The following TMEM17 variants were observed in gnomAD, a reference collection of about 807,000 sequenced individuals.
TMEM17 encodes the protein transmembrane protein 17.
In TMEM17, 15 loss-of-function variants were observed where a neutral mutation model predicts 19.1. The ratio of observed to expected loss-of-function variants is 0.78; its 90% confidence interval spans 0.52 to 1.21. TMEM17 has a LOEUF of 1.21. Among genes scored for constraint, TMEM17 ranks in the 50% most tolerant of loss-of-function variants. The probability of loss-of-function intolerance (pLI) is 0.00; values close to 1 mark genes in which losing one functional copy is unlikely to be tolerated. For missense variants in TMEM17, 245 were observed against 242.3 expected (o/e 1.01, Z -0.07); for synonymous variants, 103 against 86.9 (o/e 1.19, Z -1.03).
the TMEM17 span, among the ~76,000 whole-genome samples, chr2:62,456,788 C>T: frequency 6.6e-6 from 1 of 152,220 alleles, no homozygotes; most frequent in African/African-American, 2.4e-5. Context: ...CTAGAGACCT[C>T]TCACCTCTTT....
At chr2:62,469,406 A>G in the TMEM17 span, among the ~76,000 whole-genome samples, 5 of 152,206 alleles carry the variant, frequency 3.3e-5, no homozygotes, top group East Asian at 3.8e-4. Flanking sequence ...GCATGGGCTC[A>G]TTTAGCTTCT....
intron 1 of TMEM17, among the ~76,000 whole-genome samples, chr2:62,503,331 C>T (rs768738819): frequency 4.6e-4 from 70 of 152,126 alleles, no homozygotes; most frequent in Non-Finnish European, 7.6e-4. Context: ...TCATCAGTTC[C>T]CCCACCTCAG....
At chr2:62,476,380 G>A in the TMEM17 span, among the ~76,000 whole-genome samples, 1 of 152,170 alleles carries the variant, frequency 6.6e-6, no homozygotes, top group East Asian at 1.9e-4. Context: ...ACTACCACCA[G>A]GTAAGAAGAT....
chr2:62,487,725 C>T, the TMEM17 span, among the ~76,000 whole-genome samples: 6 of 152,218 alleles, frequency 3.9e-5, no homozygotes, highest in Non-Finnish European at 8.8e-5. Context: ...GACGAAGTCT[C>T]GCTCTGTCGC....
the TMEM17 span, among the ~76,000 whole-genome samples, chr2:62,471,350 C>T: frequency 2.0e-5 from 3 of 152,098 alleles, no homozygotes; most frequent in African/African-American, 4.8e-5. Context: ...TCCATTAACT[C>T]GTCTGTAAGT....
the TMEM17 span, among the ~76,000 whole-genome samples, chr2:62,480,998 C>A: frequency 6.6e-6 from 1 of 152,006 alleles, no homozygotes; most frequent in African/African-American, 2.4e-5. Context: ...CTATAGGTGG[C>A]TTGGAGTAGT....
chr2:62,466,643 G>C, the TMEM17 span, among the ~76,000 whole-genome samples: 1 of 152,208 alleles, frequency 6.6e-6, no homozygotes, highest in South Asian at 2.1e-4. Flanking sequence ...GGAAGCCTTA[G>C]GAAGCAGCTT....
At chr2:62,476,336 G>T in the TMEM17 span, among the ~76,000 whole-genome samples, 6 of 152,170 alleles carry the variant, frequency 3.9e-5, no homozygotes, top group African/African-American at 1.4e-4. Context: ...GACAGGGAGG[G>T]CATTGGTGGG....
the TMEM17 span, among the ~76,000 whole-genome samples, chr2:62,467,763 G>A: frequency 6.6e-6 from 1 of 152,132 alleles, no homozygotes; most frequent in South Asian, 2.1e-4. Context: ...GCTCCTCTAA[G>A]CTCCAGAGAC....
chr2:62,480,849 G>C, the TMEM17 span, among the ~76,000 whole-genome samples: 1 of 152,268 alleles, frequency 6.6e-6, no homozygotes, highest in South Asian at 2.1e-4. Flanking sequence ...TATGCTTCCA[G>C]CTTTGTTCTT....
At chr2:62,476,350 C>T in the TMEM17 span, among the ~76,000 whole-genome samples, 1 of 152,174 alleles carries the variant, frequency 6.6e-6, no homozygotes, top group African/African-American at 2.4e-5. Flanking sequence ...TGGTGGGAGG[C>T]AGCAGTCCCT....
At chr2:62,479,238 C>T in the TMEM17 span, among the ~76,000 whole-genome samples, 2 of 152,174 alleles carry the variant, frequency 1.3e-5, no homozygotes, top group African/African-American at 2.4e-5. Context: ...CCTTCTCAGC[C>T]TCTGGTATCC....
the TMEM17 span, among the ~76,000 whole-genome samples, chr2:62,466,759 G>A: frequency 4.6e-5 from 7 of 152,324 alleles, no homozygotes; most frequent in South Asian, 8.3e-4. Flanking sequence ...CCCTCTGAGA[G>A]GGGGAGCTAC....
At chr2:62,476,148 G>C in the TMEM17 span, among the ~76,000 whole-genome samples, 1 of 152,180 alleles carries the variant, frequency 6.6e-6, no homozygotes, top group Non-Finnish European at 1.5e-5. Context: ...TCAGCTCTTG[G>C]GGTGGCAGTT....
the TMEM17 span, among the ~76,000 whole-genome samples, chr2:62,454,927 G>A: frequency 5.3e-5 from 8 of 152,084 alleles, no homozygotes; most frequent in South Asian, 2.1e-4. Flanking sequence ...GGATGGTCTC[G>A]ATCTCCTGAC....
intron 1 of TMEM17, among the ~76,000 whole-genome samples, chr2:62,504,935 G>C (rs1389995808): frequency 6.6e-6 from 1 of 152,078 alleles, no homozygotes; most frequent in Non-Finnish European, 1.5e-5. Context: ...TTTACTATCT[G>C]GTCCTTTTCA....
chr2:62,492,590 T>C, the TMEM17 span, among the ~76,000 whole-genome samples: 1 of 152,246 alleles, frequency 6.6e-6, no homozygotes, highest in Non-Finnish European at 1.5e-5. Context: ...TGCTATGTAT[T>C]AAGAACAGGA....
the TMEM17 span, among the ~76,000 whole-genome samples, chr2:62,465,860 T>A: frequency 6.6e-6 from 1 of 152,016 alleles, no homozygotes; most frequent in Non-Finnish European, 1.5e-5. Flanking sequence ...TACGTTTAGG[T>A]GGGTAGGGGG....
chr2:62,493,620 G>C, the TMEM17 span, among the ~76,000 whole-genome samples: 1 of 152,150 alleles, frequency 6.6e-6, no homozygotes, highest in African/African-American at 2.4e-5. Context: ...GTGTGTGTGC[G>C]CATGTGTAAA....
Sources: gnomAD v4.1 joint callset for allele counts (sites outside exome capture counted in the v4.1 genomes callset) on GRCh38, gnomAD v4.1.1 for gene constraint, MANE v1.5 for transcripts, NCBI Gene and HGNC (gene_info 2026-07-23, HGNC 2026-07-21) for gene names.